Variants in BBS5 observed in about 807,000 individuals in gnomAD.
The protein encoded by BBS5 is Bardet-Biedl syndrome 5.
In BBS5, 39 loss-of-function variants were observed where a neutral mutation model predicts 50.2. The observed-to-expected ratio is 0.78, with a 90% CI of 0.60 to 1.01. The LOEUF is 1.01. Ranked by LOEUF, BBS5 falls within the 50% of genes least tolerant of loss-of-function variation. The pLI is 0.00. For missense variants in BBS5, 356 were observed against 401.5 expected (o/e 0.89, Z 0.97); for synonymous variants, 134 against 133.1 (o/e 1.01, Z -0.05).
intron 9 of BBS5, among the ~76,000 whole-genome samples, chr2:169,501,741 C>G (rs1038860175): frequency 6.6e-6 from 1 of 151,968 alleles, no homozygotes; most frequent in Non-Finnish European, 1.5e-5. Context: ...AAAGCAAGAC[C>G]TTATCTCTTA....
intron 5 of BBS5, 134 bp downstream of exon 5, chr2:169,488,248 A>G: frequency 1.2e-6 from 1 of 832,864 alleles, no homozygotes; most frequent in South Asian, 1.6e-5. Context: ...GGGTGAGGGT[A>G]TGGTTTCAAG....
intron 5 of BBS5, among the ~76,000 whole-genome samples, chr2:169,488,511 C>G (rs1683526868): frequency 6.6e-6 from 1 of 152,222 alleles, no homozygotes; most frequent in African/African-American, 2.4e-5. Context: ...GCTGATCTGA[C>G]AGGAGGCAGA....
intron 1 of BBS5, among the ~76,000 whole-genome samples, chr2:169,480,327 C>T (rs576025447): frequency 1.3e-5 from 2 of 152,226 alleles, no homozygotes; most frequent in Admixed American, 6.5e-5. Context: ...CGGGAAATGC[C>T]GGTTGGGTTA....
chr2:169,501,107 G>C (rs1010028635), intron 9 of BBS5, among the ~76,000 whole-genome samples: 1 of 152,174 alleles, frequency 6.6e-6, no homozygotes, highest in Non-Finnish European at 1.5e-5. Flanking sequence ...CCAGGACTTG[G>C]ATGAGCATCT....
intron 8 of BBS5, among the ~76,000 whole-genome samples, chr2:169,498,732 G>A (rs1300484548): frequency 1.3e-5 from 2 of 151,622 alleles, no homozygotes; most frequent in Non-Finnish European, 2.9e-5. Flanking sequence ...GCGCGAACCC[G>A]GGAGGCGGAG....
At chr2:169,488,498 G>A (rs907238447) in intron 5 of BBS5, among the ~76,000 whole-genome samples, 2 of 152,176 alleles carry the variant, frequency 1.3e-5, no homozygotes, top group Non-Finnish European at 2.9e-5. Flanking sequence ...ATCTAATGCC[G>A]CTGCTGATCT....
rs780195284 is a variant in BBS5, at chr2:169,504,594, T to C, written c.*12T>C. On this transcript the variant is annotated 3_prime_UTR_variant, in exon 12 of 12. Transcript: ENST00000295240. ...AAGTAATGAGTTGATTGACCTTGAG[T>C]TGAGATGGATTTCTATTAAAGATAT... 4.7e-5 allele frequency: 73 copies of C among 1,561,834 alleles called. No homozygotes were observed. The highest frequency in any genetic ancestry group is 5.7e-5 in the Non-Finnish European group (65 of 1,132,510).
At position 169,492,886 on chromosome 2, in the gene BBS5, T is replaced by C. The variant is rs1254506429; in HGVS notation, c.399T>C (p.Thr133=). 6 of 1,612,270 alleles carry C rather than the reference T, an allele frequency of 3.7e-6. No individual in the cohort carries two copies. Among genetic ancestry groups the C allele is most frequent in the Non-Finnish European group, 5.1e-6 (6 of 1,179,088 alleles). Residue 133 remains threonine, a synonymous_variant, in exon 6 of 12, where the codon ACT becomes ACC. Coordinates refer to ENST00000295240, the MANE Select transcript of BBS5 (RefSeq NM_152384.3). ...TTCTTTTTCATAGAGCTTATGAAACTTCTAAAATGTATCGTGATTTTAAAT... is the reference window on the plus strand; with the variant it reads ...TTCTTTTTCATAGAGCTTATGAAACCTCTAAAATGTATCGTGATTTTAAAT... The part of the protein sequence containing the change: ...SVMAVHRAYE[T]SKMYRDFKLR...
intron 3 of BBS5, 50 bp from the exon 4 acceptor site, chr2:169,487,756 T>C (rs1346563409): frequency 7.3e-7 from 1 of 1,369,060 alleles, no homozygotes; most frequent in Admixed American, 1.8e-5. Context: ...AAGTATTTTT[T>C]CTCAGTGTAC....
intron 2 of BBS5, among the ~76,000 whole-genome samples, chr2:169,483,578 C>T (rs532389226): frequency 1.2e-4 from 18 of 152,086 alleles, no homozygotes; most frequent in Non-Finnish European, 2.5e-4. Context: ...CAAATGAAAA[C>T]AAGACCTGGC....
Position 169,505,129 on chromosome 2 carries a change from A to G in BBS5, c.*547A>G, listed in dbSNP as rs546065530. On this transcript the variant is annotated 3_prime_UTR_variant, in exon 12 of 12. Coordinates refer to ENST00000295240, the MANE Select transcript of BBS5 (RefSeq NM_152384.3). The stretch of plus-strand genomic sequence containing the variant: ...GCCGCCACACCTGACTGGTTTTCGT[A>G]TTTTTTTGGTGGAGACGGGGTTTCG... The G allele has an allele frequency of 5.4e-4, 428 of 794,092 alleles. 1 individual carries two copies. In the African/African-American group the frequency reaches 5.9e-3, roughly 11 times the overall value. The allele number at this position is 794,092 out of a possible 1,614,324, so 49.2% of individuals were successfully genotyped here. A position where few individuals can be genotyped will look rare whatever the true frequency, so the allele number is the denominator to read the frequency against.
chr2:169,504,815 G>C lies in BBS5; in HGVS notation c.*233G>C. ...TAGTAACCGTCCGGCCGCGGCGCTG[G>C]CTTAAGCCATGGCTGAGGGTAGCTG... On this transcript the variant is annotated 3_prime_UTR_variant, in exon 12 of 12. Coordinates refer to ENST00000295240, the MANE Select transcript of BBS5 (RefSeq NM_152384.3). 1.3e-6 allele frequency: 2 copies of C among 1,589,118 alleles called. No individual in the cohort carries two copies. The highest frequency in any genetic ancestry group is 1.7e-6 in the Non-Finnish European group (2 of 1,166,038).
intron 2 of BBS5, among the ~76,000 whole-genome samples, chr2:169,482,987 A>G (rs565087341): frequency 2.0e-5 from 3 of 151,662 alleles, no homozygotes; most frequent in Non-Finnish European, 2.9e-5. Flanking sequence ...ACTTCCAAGG[A>G]AAAAAAAATA....
chr2:169,501,051 G>A (rs1683792375), intron 9 of BBS5, among the ~76,000 whole-genome samples: 2 of 152,088 alleles, frequency 1.3e-5, no homozygotes, highest in South Asian at 4.1e-4. Context: ...TCTTATTTCA[G>A]ATTTATCTTA....
At chr2:169,482,192 A>G in intron 1 of BBS5, 59 bp from the exon 2 acceptor site, 1 of 1,047,244 alleles carries the variant, frequency 9.5e-7, no homozygotes, top group East Asian at 2.4e-5. Flanking sequence ...TTCTCCCTAA[A>G]TAGATTGCAA....
At position 169,504,617 on chromosome 2, in the gene BBS5, T is replaced by C. The variant is rs962799631; in HGVS notation, c.*35T>C. ...AGTTGAGATGGATTTCTATTAAAGA[T>C]ATCTCTAGTTTAAAGATACTAGTCA... On this transcript the variant is annotated 3_prime_UTR_variant, in exon 12 of 12. Transcript: ENST00000295240. 2.1e-6 allele frequency: 3 copies of C among 1,460,612 alleles called. No homozygotes were observed. The African/African-American group carries it at 4.2e-5, about 20-fold the overall frequency. 90.5% of individuals were successfully genotyped at this position (1,460,612 alleles called of 1,614,324 possible).
intron 5 of BBS5, 102 bp downstream of exon 5, chr2:169,488,216 G>A: frequency 1.7e-6 from 2 of 1,179,732 alleles, no homozygotes; most frequent in South Asian, 2.6e-5. Flanking sequence ...CAGTTTCATG[G>A]AAGACAGTTT....
intron 11 of BBS5, 60 bp downstream of exon 11, chr2:169,504,386 C>T: frequency 6.3e-7 from 1 of 1,582,526 alleles, no homozygotes; most frequent in South Asian, 1.1e-5. Context: ...CAACATTTAG[C>T]ATTCACAAAC....
In BBS5 at chr2:169,487,808, G is replaced by C. The variant is rs1397496181; in HGVS notation, c.211G>C (p.Val71Leu). 6 of 1,606,364 alleles carry C rather than the reference G, an allele frequency of 3.7e-6. No homozygotes were observed. The highest frequency in any genetic ancestry group is 2.6e-6 in the Non-Finnish European group (3 of 1,174,624). ...CATTCTTTGCTTTTGGATTTTAGCT[G>C]TCGGTTACAATTGCATATTGAATAT... ...SLALSRVNVS[V>L]GYNCILNITT... The change falls in exon 4 of 12, where the codon GTC (valine) becomes CTC (leucine). Residue 71 changes from valine (V) to leucine (L), a missense_variant and splice_region_variant. Transcript: ENST00000295240.
Sources: allele counts gnomAD v4.1 joint callset (sites outside exome capture counted in the v4.1 genomes callset), GRCh38; gene constraint gnomAD v4.1.1; transcripts MANE v1.5; gene names NCBI Gene and HGNC (gene_info 2026-07-23, HGNC 2026-07-21).